The following MDGA2 variants were observed in gnomAD, a reference collection of about 807,000 sequenced individuals.
MDGA2 encodes MAM domain-containing glycosylphosphatidylinositol anchor protein 2.
In MDGA2, 40 loss-of-function variants were observed where a neutral mutation model predicts 117.8. The ratio of observed to expected loss-of-function variants is 0.34; its 90% confidence interval spans 0.26 to 0.44. MDGA2 has a LOEUF of 0.44. Among genes scored for constraint, MDGA2 ranks in the 20% least tolerant of loss-of-function variants. The pLI is 1.00. For missense variants in MDGA2, 1,123 were observed against 1,250.6 expected (o/e 0.90, Z 1.54); for synonymous variants, 452 against 439.0 (o/e 1.03, Z -0.37).
intron 9 of MDGA2, among the ~76,000 whole-genome samples, chr14:46,926,727 C>T (rs940603435): frequency 2.0e-5 from 3 of 151,986 alleles, no homozygotes; most frequent in African/African-American, 7.2e-5. Flanking sequence ...CAGAAACAGG[C>T]ATTTTTCTAA....
chr14:47,209,633 A>G (rs1433064074), intron 3 of MDGA2, among the ~76,000 whole-genome samples: 4 of 152,214 alleles, frequency 2.6e-5, no homozygotes, highest in Non-Finnish European at 5.9e-5. Flanking sequence ...CAGGTATGTA[A>G]TAGGATTTTT....
At chr14:46,925,685 C>T (rs1884304924) in intron 9 of MDGA2, among the ~76,000 whole-genome samples, 1 of 143,336 alleles carries the variant, frequency 7.0e-6, no homozygotes, top group Non-Finnish European at 1.5e-5. Flanking sequence ...CTTAATAAGA[C>T]TGAAGTCATA....
At chr14:47,674,328 G>C (rs1242855020) in intron 1 of MDGA2, among the ~76,000 whole-genome samples, 189 bp downstream of exon 1, 1 of 152,222 alleles carries the variant, frequency 6.6e-6, no homozygotes, top group Non-Finnish European at 1.5e-5. Flanking sequence ...CCCAGGCGCC[G>C]GGGAAGCGGC....
At position 46,874,132 on chromosome 14, in the gene MDGA2, C is replaced by T; in HGVS notation, c.2506G>A (p.Asp836Asn). ...LFTQDDTDNF[D>N]WTKQSTATRN... ...GTTGCTGTACTTTGCTTTGTCCAGT[C>T]AAAATTATCTGTATCATCTTGAGTG... is the stretch of plus-strand genomic sequence containing the variant. Residue 836 changes from aspartate (D) to asparagine (N), a missense_variant, in exon 13 of 17, where the codon GAC becomes AAC. Asp to Asn is a conservative substitution (Grantham distance 23). Coordinates refer to ENST00000399232, the MANE Select transcript of MDGA2 (RefSeq NM_001113498.3). The T allele has an allele frequency of 6.5e-7, 1 of 1,544,980 alleles. No homozygotes were observed. The highest frequency in any genetic ancestry group is 1.9e-5 in the Admixed American group (1 of 52,158).
chr14:46,896,145 TG>T, intron 10 of MDGA2, among the ~76,000 whole-genome samples: 1 of 152,328 alleles, frequency 6.6e-6, no homozygotes, highest in South Asian at 2.1e-4. Flanking sequence ...AATATCCATT[TG>T]GGCAGTCATT....
At chr14:47,554,235 G>C (rs1895642316) in intron 1 of MDGA2, among the ~76,000 whole-genome samples, 1 of 152,146 alleles carries the variant, frequency 6.6e-6, no homozygotes, top group Admixed American at 6.5e-5. Flanking sequence ...CACATACCTA[G>C]TAGTTTGTCT....
chr14:47,073,177 T>C (rs1264599274), intron 6 of MDGA2, among the ~76,000 whole-genome samples: 1 of 152,204 alleles, frequency 6.6e-6, no homozygotes, highest in Non-Finnish European at 1.5e-5. Flanking sequence ...TAACCAACTA[T>C]CATGAGGGAA....
intron 7 of MDGA2, among the ~76,000 whole-genome samples, chr14:47,060,164 T>C (rs2138779409): frequency 6.6e-6 from 1 of 152,216 alleles, no homozygotes; most frequent in Non-Finnish European, 1.5e-5. Context: ...CACAAGTACT[T>C]TTCATCACCC....
intron 10 of MDGA2, among the ~76,000 whole-genome samples, chr14:46,892,410 G>GA (rs906428620): frequency 6.6e-6 from 1 of 151,888 alleles, no homozygotes; most frequent in Non-Finnish European, 1.5e-5. Flanking sequence ...AATCCTAGAA[G>GA]AAAAAGGGAT....
At chr14:47,532,766 T>C (rs1181942575) in intron 1 of MDGA2, among the ~76,000 whole-genome samples, 1 of 152,248 alleles carries the variant, frequency 6.6e-6, no homozygotes, top group African/African-American at 2.4e-5. Flanking sequence ...AAAGTCATTT[T>C]TTAAGGGAAT....
intron 1 of MDGA2, among the ~76,000 whole-genome samples, chr14:47,439,404 C>T (rs767530788): frequency 6.6e-6 from 1 of 151,904 alleles, no homozygotes; most frequent in Non-Finnish European, 1.5e-5. Context: ...AATCATTTAT[C>T]ACAAAATGTG....
At chr14:46,857,100 T>C (rs1011161605) in intron 14 of MDGA2, among the ~76,000 whole-genome samples, 2 of 152,214 alleles carry the variant, frequency 1.3e-5, no homozygotes, top group Non-Finnish European at 2.9e-5. Flanking sequence ...TTTGTTTACA[T>C]TGTAAACCTT....
At chr14:46,994,514 A>AACACAC (rs60903573) in intron 8 of MDGA2, among the ~76,000 whole-genome samples, 10 of 150,088 alleles carry the variant, frequency 6.7e-5, no homozygotes, top group African/African-American at 2.4e-4. Context: ...CACACATACA[A>AACACAC]ACACACACAC....
intron 1 of MDGA2, among the ~76,000 whole-genome samples, chr14:47,417,245 C>T (rs113960831): frequency 0.011 from 1,650 of 152,258 alleles, 36 homozygotes; most frequent in African/African-American, 0.037. Flanking sequence ...AGCATTCAAG[C>T]GAAGCCAAAC....
chr14:47,372,849 T>G (rs1476889027), intron 1 of MDGA2, among the ~76,000 whole-genome samples: 1 of 152,022 alleles, frequency 6.6e-6, no homozygotes, highest in Non-Finnish European at 1.5e-5. Context: ...ATATACATTT[T>G]ATTATACTTT....
chr14:47,264,731 T>C (rs375528943), intron 2 of MDGA2, among the ~76,000 whole-genome samples: 1 of 152,208 alleles, frequency 6.6e-6, no homozygotes, highest in Middle Eastern at 3.4e-3. Flanking sequence ...GCAGGTTTGT[T>C]ACATAGGTAT....
intron 1 of MDGA2, among the ~76,000 whole-genome samples, chr14:47,484,027 T>A (rs759938255): frequency 6.6e-6 from 1 of 152,182 alleles, no homozygotes; most frequent in Non-Finnish European, 1.5e-5. Flanking sequence ...AAAATAAGTT[T>A]TGTCTAATTA....
At chr14:47,129,553 C>T (rs201841680) in intron 5 of MDGA2, among the ~76,000 whole-genome samples, 26 of 147,250 alleles carry the variant, frequency 1.8e-4, no homozygotes, top group Middle Eastern at 3.4e-3. Flanking sequence ...AATAAACATA[C>T]GTGTGCATGT....
chr14:47,076,565 T>TGC (rs1890503571), intron 6 of MDGA2, among the ~76,000 whole-genome samples: 1 of 116,528 alleles, frequency 8.6e-6, no homozygotes, highest in African/African-American at 4.7e-5. Flanking sequence ...GTGTTATGTG[T>TGC]GTGTGTGTGT....
Sources: allele counts gnomAD v4.1 joint callset (sites outside exome capture counted in the v4.1 genomes callset), GRCh38; gene constraint gnomAD v4.1.1; transcripts MANE v1.5; gene names NCBI Gene and HGNC (gene_info 2026-07-23, HGNC 2026-07-21).